Variants in CD53 observed in about 807,000 individuals in gnomAD.
CD53 encodes CD53 molecule.
In CD53, 20 loss-of-function variants were observed where a neutral mutation model predicts 27.3. The observed-to-expected ratio is 0.73, with a 90% CI of 0.52 to 1.07. The LOEUF is 1.07. Ranked by LOEUF, CD53 falls within the 50% of genes least tolerant of loss-of-function variation. The pLI is 0.00. For missense variants in CD53, 216 were observed against 264.0 expected (o/e 0.82, Z 1.26); for synonymous variants, 106 against 105.3 (o/e 1.01, Z -0.04).
chr1:110,878,101 T>C (rs1404662944), intron 1 of CD53, among the ~76,000 whole-genome samples: 6 of 152,218 alleles, frequency 3.9e-5, no homozygotes, highest in African/African-American at 1.2e-4. Flanking sequence ...GTGCCAGTCC[T>C]CGGCTTCTCT....
In CD53 at chr1:110,899,185, T is replaced by C. The variant is rs149870771; in HGVS notation, c.650T>C (p.Ile217Thr). Residue 217 changes from isoleucine to threonine, a missense_variant, in exon 8 of 8, where the codon ATA becomes ACA. By Grantham distance (89) the Ile-to-Thr change is moderately conservative. Coordinates refer to ENST00000271324, the MANE Select transcript of CD53 (RefSeq NM_000560.4). ...CAGATTGACAAAACCAGCCAGACCA[T>C]AGGGCTATGATCTGCAGTAGTCCTG... Reference protein sequence around the residue: ...NCQIDKTSQTIGL With the variant: ...NCQIDKTSQTTGL 2.2e-4 allele frequency: 356 copies of C among 1,612,506 alleles called. 2 individuals are homozygous for C. The highest frequency in any genetic ancestry group is 1.5e-3 in the South Asian group (139 of 91,060).
At chr1:110,896,373 C>G (rs1657062284) in intron 5 of CD53, among the ~76,000 whole-genome samples, 1 of 152,130 alleles carries the variant, frequency 6.6e-6, no homozygotes, top group Non-Finnish European at 1.5e-5. Flanking sequence ...GGGTGGTCAG[C>G]CTAATCCCTC....
intron 1 of CD53, among the ~76,000 whole-genome samples, chr1:110,881,129 T>C (rs1246733355): frequency 6.6e-6 from 1 of 152,068 alleles, no homozygotes; most frequent in Non-Finnish European, 1.5e-5. Flanking sequence ...TTGACGTAAG[T>C]GTACATGCAT....
chr1:110,883,380 C>T (rs745605032), intron 1 of CD53, among the ~76,000 whole-genome samples: 2 of 151,818 alleles, frequency 1.3e-5, no homozygotes, highest in Admixed American at 6.6e-5. Flanking sequence ...TTAAAATAAC[C>T]TTGCATTCCT....
At chr1:110,881,959 G>T (rs1459604899) in intron 1 of CD53, among the ~76,000 whole-genome samples, 1 of 152,020 alleles carries the variant, frequency 6.6e-6, no homozygotes, top group African/African-American at 2.4e-5. Flanking sequence ...TTTAAAAATT[G>T]GATTGTTTAT....
chr1:110,880,389 G>A (rs1336939621), intron 1 of CD53: 1 of 152,090 alleles, frequency 6.6e-6, no homozygotes, highest in Non-Finnish European at 1.5e-5. Flanking sequence ...GAAAGTGGGA[G>A]AGGAAGGAAG....
At chr1:110,893,963 G>A (rs1329454257) in intron 3 of CD53, among the ~76,000 whole-genome samples, 6 of 152,190 alleles carry the variant, frequency 3.9e-5, no homozygotes, top group Non-Finnish European at 7.3e-5. Flanking sequence ...CCCTGATCTT[G>A]TAGAAAGGAC....
At chr1:110,895,465 T>A (rs1657022476) in intron 5 of CD53, among the ~76,000 whole-genome samples, 1 of 152,194 alleles carries the variant, frequency 6.6e-6, no homozygotes. Context: ...ATGTGCTGTT[T>A]CCACCCACAA....
chr1:110,891,476 G>A lies in CD53; in HGVS notation c.63+5G>A. On this transcript the variant is annotated splice_donor_5th_base_variant and intron_variant, in intron 2 of 7. Coordinates refer to ENST00000271324, the MANE Select transcript of CD53 (RefSeq NM_000560.4). Reference sequence around the variant, plus strand: ...TTCTTCAACTTGCTCTTTTGGGTAAGTGTATCTCTTCTGAGCACGGTTTAG... The same window carrying A: ...TTCTTCAACTTGCTCTTTTGGGTAAATGTATCTCTTCTGAGCACGGTTTAG... 2 of 1,610,842 alleles carry A rather than the reference G, an allele frequency of 1.2e-6. No homozygotes were observed. The highest frequency in any genetic ancestry group is 1.7e-6 in the Non-Finnish European group (2 of 1,177,006).
At chr1:110,878,144 G>C (rs958915846) in intron 1 of CD53, among the ~76,000 whole-genome samples, 2 of 152,142 alleles carry the variant, frequency 1.3e-5, no homozygotes, top group Non-Finnish European at 2.9e-5. Context: ...CACCTAAGTT[G>C]TCAGGCCGAT....
chr1:110,891,332 T>G, intron 1 of CD53, 60 bp from the exon 2 acceptor site: 1 of 1,155,276 alleles, frequency 8.7e-7, no homozygotes, highest in Non-Finnish European at 1.3e-6. Flanking sequence ...ATTTGTGCAC[T>G]CTGATCTCTG....
Position 110,878,383 on chromosome 1 carries a change from G to C in CD53, c.-18+5135G>C, listed in dbSNP as rs531396864. Among the ~76,000 whole-genome samples the C allele has an allele frequency of 4.4e-4, 67 of 152,094 alleles. 1 individual carries two copies. The South Asian group carries it at 8.1e-3, about 18-fold the overall frequency. ...TCTGTGTAGGAAGGGATAGGGAGCC[G>C]TAATTACCTTGCGAATGCTCTTGTA... On this transcript the variant is annotated intron_variant, in intron 1 of 7. Transcript: ENST00000271324.
In CD53 at chr1:110,898,140, G is replaced by A. The variant is rs370968166; in HGVS notation, c.588+248G>A. On this transcript the variant is annotated intron_variant, in intron 7 of 7. Transcript: ENST00000271324. ...CGCCTGTAATCCCAGCACTTTGGGA[G>A]GCTGAGGCAGGCAGATCACGAGGTC... Among the ~76,000 whole-genome samples, 26 of 152,262 alleles carry A rather than the reference G, an allele frequency of 1.7e-4. 2 individuals are homozygous for A. Among genetic ancestry groups the A allele is most frequent in the African/African-American group, 5.5e-4 (23 of 41,554 alleles).
chr1:110,892,605 T>A, intron 3 of CD53, 72 bp downstream of exon 3: 1 of 1,246,022 alleles, frequency 8.0e-7, no homozygotes, highest in Admixed American at 1.9e-5. Flanking sequence ...AGATGTTTCT[T>A]GGTAGATCAC....
chr1:110,871,276 A>C (rs925855514), upstream of CD53, among the ~76,000 whole-genome samples: 4 of 152,176 alleles, frequency 2.6e-5, no homozygotes, highest in African/African-American at 4.8e-5. Context: ...GATAAAGACT[A>C]ATGTAATTTC....
intron 3 of CD53, 93 bp from the exon 4 acceptor site, chr1:110,894,234 C>T (rs1341538050): frequency 7.9e-6 from 8 of 1,017,948 alleles, no homozygotes; most frequent in South Asian, 5.1e-5. Context: ...ACACCCTGTA[C>T]TCGTGCAAAT....
intron 1 of CD53, among the ~76,000 whole-genome samples, chr1:110,886,104 T>C (rs562066224): frequency 6.6e-6 from 1 of 152,180 alleles, no homozygotes; most frequent in East Asian, 1.9e-4. Context: ...TTTAAGTTAT[T>C]AAAATGTATT....
chr1:110,883,502 G>A (rs554660522), intron 1 of CD53, among the ~76,000 whole-genome samples: 12 of 151,936 alleles, frequency 7.9e-5, no homozygotes, highest in East Asian at 1.9e-4. Context: ...ACATTGGCCC[G>A]TGGTTTTATT....
chr1:110,895,126 T>A, intron 5 of CD53, 71 bp downstream of exon 5: 1 of 1,127,984 alleles, frequency 8.9e-7, no homozygotes. Context: ...TGGGGGCTAG[T>A]TCCTTTTTCT....
Sources: allele counts gnomAD v4.1 joint callset (sites outside exome capture counted in the v4.1 genomes callset), GRCh38; gene constraint gnomAD v4.1.1; transcripts MANE v1.5; gene names NCBI Gene and HGNC (gene_info 2026-07-23, HGNC 2026-07-21).